CTNNA3: variants seen among roughly 807,000 people sequenced by gnomAD.
The protein encoded by CTNNA3 is catenin alpha-3.
In CTNNA3, 76 loss-of-function variants were observed where a neutral mutation model predicts 95.7. The observed-to-expected ratio is 0.79, with a 90% CI of 0.66 to 0.96. The LOEUF is 0.96. CTNNA3 is among the 40% of genes least tolerant of loss of function. CTNNA3 has a pLI of 0.00. For synonymous variants in CTNNA3, 431 were observed against 374.4 expected (o/e 1.15, Z -1.74); for missense variants, 1,191 against 1,089.8 (o/e 1.09, Z -1.31).
intron 2 of CTNNA3, among the ~76,000 whole-genome samples, chr10:67,626,636 G>T (rs1407663217): frequency 6.6e-6 from 1 of 152,098 alleles, no homozygotes; most frequent in Non-Finnish European, 1.5e-5. Flanking sequence ...CTGTTTTGGG[G>T]TTCTCTGTTT....
At chr10:67,021,035 G>A (rs968822824) in intron 7 of CTNNA3, among the ~76,000 whole-genome samples, 1 of 152,114 alleles carries the variant, frequency 6.6e-6, no homozygotes, top group African/African-American at 2.4e-5. Flanking sequence ...ACAGTTAACA[G>A]GTATTAAAAC....
In CTNNA3 at chr10:66,393,364, G is replaced by C. The variant is rs768147498; in HGVS notation, c.1532-14012C>G. Reference sequence around the variant, plus strand: ...AAGGTGAAGCCTACTGTAAACGGTAGGATTTACATAATAATAATGTATCAG... The same window carrying C: ...AAGGTGAAGCCTACTGTAAACGGTACGATTTACATAATAATAATGTATCAG... On this transcript the variant is annotated intron_variant, in intron 11 of 17. Coordinates refer to ENST00000433211, the MANE Select transcript of CTNNA3 (RefSeq NM_013266.4). 3.3e-5 allele frequency among the ~76,000 whole-genome samples: 5 copies of C among 151,948 alleles called. No individual in the cohort carries two copies. In the South Asian group the frequency reaches 6.2e-4, roughly 19 times the overall value.
rs563370056 is a variant in CTNNA3 at position 67,515,068 on chromosome 10, G to C, written c.579+6774C>G. On this transcript the variant is annotated intron_variant, in intron 5 of 17. Transcript: ENST00000433211. ...TTAATAGAAGACACTTAGTTATCAT[G>C]ACCATTAACTATCCAATGTGGAAAT... Among the ~76,000 whole-genome samples the C allele has an allele frequency of 4.6e-5, 7 of 152,196 alleles. No individual in the cohort carries two copies. The South Asian group carries it at 1.5e-3, about 32-fold the overall frequency.
At chr10:66,212,235 C>A (rs1235473938) in intron 13 of CTNNA3, among the ~76,000 whole-genome samples, 1 of 151,982 alleles carries the variant, frequency 6.6e-6, no homozygotes, top group Non-Finnish European at 1.5e-5. Context: ...CGTGATCCAC[C>A]CACCTCGGCC....
intron 7 of CTNNA3, among the ~76,000 whole-genome samples, chr10:66,890,211 T>C (rs1301413494): frequency 9.2e-5 from 14 of 152,174 alleles, no homozygotes; most frequent in Admixed American, 9.2e-4. Flanking sequence ...TGAATAAATC[T>C]GGAGCTCAGG....
intron 6 of CTNNA3, among the ~76,000 whole-genome samples, chr10:67,188,176 A>T (rs943031833): frequency 6.6e-6 from 1 of 152,270 alleles, no homozygotes; most frequent in Admixed American, 6.5e-5. Context: ...AAGTCTGGAC[A>T]ATTAAATGCA....
At chr10:67,207,299 T>C (rs554489190) in intron 6 of CTNNA3, among the ~76,000 whole-genome samples, 3 of 152,304 alleles carry the variant, frequency 2.0e-5, no homozygotes, top group Admixed American at 1.3e-4. Context: ...GTGATAAGCA[T>C]ACATGACATA....
intron 7 of CTNNA3, among the ~76,000 whole-genome samples, chr10:67,119,867 G>T (rs1276788430): frequency 1.3e-5 from 2 of 151,826 alleles, no homozygotes; most frequent in African/African-American, 4.8e-5. Flanking sequence ...CCTTGATTAT[G>T]AAATACTGCA....
At chr10:67,448,067 T>A (rs1415682430) in intron 5 of CTNNA3, among the ~76,000 whole-genome samples, 1 of 152,148 alleles carries the variant, frequency 6.6e-6, no homozygotes, top group Non-Finnish European at 1.5e-5. Flanking sequence ...GATAGCTGAG[T>A]GCTTCTTGTC....
intron 9 of CTNNA3, among the ~76,000 whole-genome samples, chr10:66,764,185 T>A (rs976164862): frequency 3.9e-5 from 6 of 152,144 alleles, no homozygotes; most frequent in African/African-American, 9.7e-5. Flanking sequence ...TTAAATGAGA[T>A]CCAGTTTCAG....
At chr10:66,480,314 A>T (rs1162707910) in intron 11 of CTNNA3, among the ~76,000 whole-genome samples, 3 of 152,144 alleles carry the variant, frequency 2.0e-5, no homozygotes, top group Non-Finnish European at 4.4e-5. Flanking sequence ...TAAATTTAAG[A>T]TTTATACTTT....
At chr10:66,402,173 A>C (rs1392663434) in intron 11 of CTNNA3, among the ~76,000 whole-genome samples, 1 of 152,188 alleles carries the variant, frequency 6.6e-6, no homozygotes, top group African/African-American at 2.4e-5. Context: ...AATTCAAGGA[A>C]CATAAGAAAG....
At chr10:66,662,433 T>G (rs1023177573) in intron 9 of CTNNA3, among the ~76,000 whole-genome samples, 1 of 152,174 alleles carries the variant, frequency 6.6e-6, no homozygotes, top group African/African-American at 2.4e-5. Context: ...CTAACTTTTC[T>G]TCACCTCTTA....
chr10:66,670,684 G>A (rs781080016), intron 9 of CTNNA3, among the ~76,000 whole-genome samples: 1 of 152,042 alleles, frequency 6.6e-6, no homozygotes, highest in Non-Finnish European at 1.5e-5. Flanking sequence ...TTCTTTAAAC[G>A]TCAATGATTA....
chr10:67,675,178 T>A, intron 1 of CTNNA3, among the ~76,000 whole-genome samples: 1 of 152,154 alleles, frequency 6.6e-6, no homozygotes, highest in East Asian at 1.9e-4. Flanking sequence ...TTTTTGATTA[T>A]CTTTTCCTTA....
chr10:67,620,727 A>C (rs1843804874), intron 2 of CTNNA3, among the ~76,000 whole-genome samples: 1 of 152,150 alleles, frequency 6.6e-6, no homozygotes, highest in African/African-American at 2.4e-5. Flanking sequence ...TGAGGTGGAC[A>C]ATGTGGGAAA....
intron 17 of CTNNA3, among the ~76,000 whole-genome samples, chr10:65,936,248 G>T (rs929873144): frequency 6.6e-6 from 1 of 152,018 alleles, no homozygotes; most frequent in African/African-American, 2.4e-5. Context: ...TTAACTTTTA[G>T]TATCTGGTAT....
intron 7 of CTNNA3, among the ~76,000 whole-genome samples, chr10:67,049,913 T>A (rs189956100): frequency 2.1e-3 from 313 of 152,356 alleles, no homozygotes; most frequent in Middle Eastern, 3.4e-3. Flanking sequence ...GCATATGCTG[T>A]GTTTCACATT....
chr10:66,587,447 G>C (rs866087294), intron 10 of CTNNA3, among the ~76,000 whole-genome samples: 3 of 152,092 alleles, frequency 2.0e-5, no homozygotes, highest in African/African-American at 7.2e-5. Context: ...GGGCCATGGA[G>C]CTCCCAAACA....
Sources: allele counts gnomAD v4.1 joint callset (sites outside exome capture counted in the v4.1 genomes callset), GRCh38; gene constraint gnomAD v4.1.1; transcripts MANE v1.5; gene names NCBI Gene and HGNC (gene_info 2026-07-23, HGNC 2026-07-21).